The following TSC22D1 variants were observed in gnomAD, a reference collection of about 807,000 sequenced individuals.
TSC22D1 encodes the protein TSC22 domain family member 1.
TSC22D1 carries 9 observed loss-of-function variants against 74.2 expected under a neutral mutation model. The ratio of observed to expected loss-of-function variants is 0.12; its 90% CI spans 0.07 to 0.21. The LOEUF is 0.21. Ranked by LOEUF, TSC22D1 falls within the 10% of genes least tolerant of loss-of-function variation. TSC22D1 has a pLI of 1.00. For synonymous variants in TSC22D1, 586 were observed against 492.5 expected (o/e 1.19, Z -2.51); for missense variants, 1,427 against 1,304.7 (o/e 1.09, Z -1.44).
At chr13:44,532,476 C>T (rs1000177929) in intron 1 of TSC22D1, among the ~76,000 whole-genome samples, 12 of 149,788 alleles carry the variant, frequency 8.0e-5, no homozygotes, top group African/African-American at 2.9e-4. Context: ...AGAAGATCTA[C>T]AAAATCTTTT....
intron 1 of TSC22D1, among the ~76,000 whole-genome samples, chr13:44,499,866 C>T (rs1166155153): frequency 2.0e-5 from 3 of 152,088 alleles, no homozygotes; most frequent in Non-Finnish European, 4.4e-5. Flanking sequence ...GCAGGCGGGT[C>T]ACCTGAAGTC....
At position 44,504,060 on chromosome 13, in the gene TSC22D1, A is replaced by G. The variant is rs573090184; in HGVS notation, c.2913-67965T>C. ...TAATGGGAATTTGAGCTATGTGTTA[A>G]TTTCATAACAGAAACCCCAAAACAT... On this transcript the variant is annotated intron_variant, in intron 1 of 2. Transcript: ENST00000458659. 2.0e-4 allele frequency among the ~76,000 whole-genome samples: 30 copies of G among 151,418 alleles called. No homozygotes were observed. In the South Asian group the frequency reaches 5.3e-3, roughly 27 times the overall value.
chr13:44,524,036 T>C (rs1032908010), intron 1 of TSC22D1, among the ~76,000 whole-genome samples: 1 of 152,192 alleles, frequency 6.6e-6, no homozygotes, highest in Admixed American at 6.5e-5. Flanking sequence ...CATCTTAATA[T>C]TTCCAGTGCA....
At chr13:44,440,589 A>C (rs1875115579) in intron 1 of TSC22D1, among the ~76,000 whole-genome samples, 1 of 57,232 alleles carries the variant, frequency 1.7e-5, no homozygotes, top group Non-Finnish European at 4.5e-5. Context: ...CTCTGTCTCA[A>C]AAAAAAAAAA....
intron 1 of TSC22D1, among the ~76,000 whole-genome samples, chr13:44,511,582 TATCC>T (rs1243840549): frequency 3.3e-5 from 5 of 151,420 alleles, no homozygotes; most frequent in African/African-American, 1.2e-4. Context: ...CAAAAACACC[TATCC>T]ATCTAAATGA....
chr13:44,437,248 T>C (rs9533849), intron 1 of TSC22D1: 105,536 of 985,346 alleles, frequency 0.11, 5,870 homozygotes, highest in African/African-American at 0.2. Context: ...TTCCTATTTG[T>C]AACCCGAACC....
chr13:44,458,264 A>G (rs548410844), intron 1 of TSC22D1, among the ~76,000 whole-genome samples: 38 of 152,352 alleles, frequency 2.5e-4, no homozygotes, highest in African/African-American at 8.2e-4. Context: ...TAGCCATTTA[A>G]GTCCATAAAT....
chr13:44,435,226 GC>G, intron 2 of TSC22D1: 1 of 202,794 alleles, frequency 4.9e-6, no homozygotes. Context: ...CCGCGTCCCC[GC>G]CCCCAGGCCC....
chr13:44,448,249 G>A (rs905643731), intron 1 of TSC22D1, among the ~76,000 whole-genome samples: 8 of 152,210 alleles, frequency 5.3e-5, no homozygotes, highest in South Asian at 2.1e-4. Context: ...AAAAATAGAT[G>A]CTTTGAGCAC....
In TSC22D1 at chr13:44,506,380, G is replaced by A. The variant is rs567448931; in HGVS notation, c.2912+66783C>T. Among the ~76,000 whole-genome samples, 21 of 152,260 alleles carry A rather than the reference G, an allele frequency of 1.4e-4. No individual in the cohort carries two copies. The East Asian group carries it at 3.9e-3, about 28-fold the overall frequency. On this transcript the variant is annotated intron_variant, in intron 1 of 2. Transcript: ENST00000458659. ...CATTATCCTCACCAAACTAATGCAG[G>A]AACAGAAAACCAAATGCCGCATGTT...
chr13:44,457,789 C>T (rs1402400683), intron 1 of TSC22D1, among the ~76,000 whole-genome samples: 2 of 152,128 alleles, frequency 1.3e-5, no homozygotes, highest in Non-Finnish European at 2.9e-5. Context: ...CTATGATTTC[C>T]AAAGCCTTCG....
At chr13:44,512,799 G>A (rs1226933678) in intron 1 of TSC22D1, among the ~76,000 whole-genome samples, 20 of 152,028 alleles carry the variant, frequency 1.3e-4, no homozygotes, top group Admixed American at 8.5e-4. Flanking sequence ...ACAGGCGTGC[G>A]CCATCACGCC....
rs533432143 is a variant in TSC22D1, at chr13:44,574,832, T to G, written c.1243A>C (p.Ser415Arg). The G allele has an allele frequency of 6.2e-7, 1 of 1,614,194 alleles. No homozygotes were observed. Among genetic ancestry groups the G allele is most frequent in the South Asian group, 1.1e-5 (1 of 91,090 alleles). The change falls in exon 1 of 3, where the codon AGT becomes CGT. Residue 415 changes from serine to arginine, a missense_variant. Physicochemically the swap from Ser to Arg is moderately radical, Grantham distance 110. This residue lies in a region of TSC22D1 where 1,343 missense variants were observed against 1,191.5 expected (regional missense o/e 1.13). Coordinates refer to ENST00000458659, the MANE Select transcript of TSC22D1 (RefSeq NM_183422.4). ...SRFRVVKLDS[S>R]SEPFKKGRWT... ...CTACCTTTTTTAAAGGGCTCAGAAC[T>G]AGAATCTAACTTCACAACTCTGAAC...
intron 1 of TSC22D1, among the ~76,000 whole-genome samples, chr13:44,521,255 T>C (rs1880301506): frequency 6.6e-6 from 1 of 152,218 alleles, no homozygotes; most frequent in African/African-American, 2.4e-5. Context: ...AACTTACTTT[T>C]AGCTAAGAAA....
At chr13:44,552,293 A>G (rs1006879195) in intron 1 of TSC22D1, among the ~76,000 whole-genome samples, 1 of 152,250 alleles carries the variant, frequency 6.6e-6, no homozygotes, top group Non-Finnish European at 1.5e-5. Context: ...ATAATAGACA[A>G]GAATGTTCAA....
chr13:44,517,846 TATATATATATA>T (rs1218842203), intron 1 of TSC22D1, among the ~76,000 whole-genome samples: 1 of 29,012 alleles, frequency 3.4e-5, no homozygotes, highest in African/African-American at 7.8e-5. Flanking sequence ...TATATATATA[TATATATATATA>T]TTTTTTTTTT....
rs1176012333 is a variant in TSC22D1 at position 44,432,403 on chromosome 13, A to C, written c.*2223T>G. 1 of 152,222 alleles carries C rather than the reference A, an allele frequency of 6.6e-6. No homozygotes were observed. Among genetic ancestry groups the C allele is most frequent in the Non-Finnish European group, 1.5e-5 (1 of 68,024 alleles). The allele number at this position is 152,222 out of a possible 1,614,324, so 9.4% of individuals were successfully genotyped here. A position where few individuals can be genotyped will look rare whatever the true frequency, so the allele number is the denominator to read the frequency against. ...TCTATTCACTATAGTTTTTTCAAGG[A>C]AATGTAATTACTACGTAAGTATTCC... On this transcript the variant is annotated 3_prime_UTR_variant, in exon 3 of 3. Coordinates refer to ENST00000458659, the MANE Select transcript of TSC22D1 (RefSeq NM_183422.4).
At chr13:44,447,351 A>C (rs1875762134) in intron 1 of TSC22D1, among the ~76,000 whole-genome samples, 2 of 152,130 alleles carry the variant, frequency 1.3e-5, no homozygotes, top group African/African-American at 4.8e-5. Flanking sequence ...CTATTTTAAA[A>C]GATATAATGC....
intron 1 of TSC22D1, among the ~76,000 whole-genome samples, chr13:44,452,203 C>A (rs747917620): frequency 2.0e-5 from 3 of 152,068 alleles, no homozygotes; most frequent in Non-Finnish European, 4.4e-5. Flanking sequence ...AGTCATGGAA[C>A]TAAATAAAGT....
Sources: gnomAD v4.1 joint callset for allele counts (sites outside exome capture counted in the v4.1 genomes callset) on GRCh38, gnomAD v4.1.1 for gene constraint, gnomAD v4.1.1 regional missense constraint, MANE v1.5 for transcripts, NCBI Gene and HGNC (gene_info 2026-07-23, HGNC 2026-07-21) for gene names.